The following RFX2 variants were observed in gnomAD, a reference collection of about 807,000 sequenced individuals.
RFX2 encodes DNA-binding protein RFX2.
RFX2 carries 20 observed loss-of-function variants against 87.8 expected under a neutral mutation model. The observed-to-expected ratio is 0.23, with a 90% CI of 0.16 to 0.33. RFX2 has a LOEUF of 0.33. Ranked by LOEUF, RFX2 falls within the 10% of genes least tolerant of loss-of-function variation. The probability of loss-of-function intolerance (pLI) is 1.00; values close to 1 mark genes in which losing one functional copy is unlikely to be tolerated. For missense variants in RFX2, 767 were observed against 1,012.3 expected (o/e 0.76, Z 3.29); for synonymous variants, 397 against 431.3 (o/e 0.92, Z 0.98).
rs2086451099 is a variant in RFX2 at position 5,998,702 on chromosome 19, G to A, written c.1860-1489C>T. 6.6e-6 allele frequency among the ~76,000 whole-genome samples: 1 copy of A among 152,114 alleles called. No individual in the cohort carries two copies. The highest frequency in any genetic ancestry group is 2.4e-5 in the African/African-American group (1 of 41,426). ...CTGCAACCAGCTTCCCCACAGCCCC[G>A]GTGTCTGGTGCGATGCTTCAGTCCA... On this transcript the variant is annotated intron_variant, in intron 15 of 17. Coordinates refer to ENST00000303657, the MANE Select transcript of RFX2 (RefSeq NM_000635.4). The surrounding 1 kb of genome is among the most constrained non-coding windows in gnomAD (Gnocchi z 4.2).
chr19:6,098,957 T>C (rs2088069505), intron 1 of RFX2, among the ~76,000 whole-genome samples: 1 of 117,146 alleles, frequency 8.5e-6, no homozygotes, highest in Non-Finnish European at 1.6e-5. Context: ...CACAAACTGC[T>C]TGAACCACAA....
intron 12 of RFX2, among the ~76,000 whole-genome samples, chr19:6,005,327 G>A (rs887129049): frequency 1.9e-4 from 29 of 152,230 alleles, no homozygotes; most frequent in African/African-American, 6.8e-4. Flanking sequence ...TGGTACTAAC[G>A]GGCATGCATA....
rs1025172142 is a variant in RFX2 at position 6,016,319 on chromosome 19, C to T, written c.598-48G>A. The stretch of plus-strand genomic sequence containing the variant: ...GCGTTTGTCAGAAGCCTGAGGAACG[C>T]TAACATGCCAACGTGGACTCATTAA... On this transcript the variant is annotated intron_variant, in intron 6 of 17. Transcript: ENST00000303657. This position sits in a 1 kb window ranked among gnomAD's most constrained non-coding sequence, Gnocchi z 5.4. 1 of 1,428,234 alleles carries T rather than the reference C, an allele frequency of 7.0e-7. No individual in the cohort carries two copies. Among genetic ancestry groups the T allele is most frequent in the Admixed American group, 1.9e-5 (1 of 51,290 alleles). 88.5% of individuals were successfully genotyped at this position (1,428,234 alleles called of 1,614,324 possible).
intron 1 of RFX2, among the ~76,000 whole-genome samples, chr19:6,097,773 G>A (rs1053876224): frequency 6.6e-6 from 1 of 152,032 alleles, no homozygotes; most frequent in African/African-American, 2.4e-5. Context: ...TGTGGAGACA[G>A]AGTCTTGTTA....
In RFX2 at chr19:6,026,268, A is replaced by C. The variant is rs1455986109; in HGVS notation, c.523-31T>G. Reference sequence around the variant, plus strand: ...GAAAATGTGTGCAGAAACAAAACAAAACAAAATGGAAAAAAAAAAAAAGGA... The same window carrying C: ...GAAAATGTGTGCAGAAACAAAACAACACAAAATGGAAAAAAAAAAAAAGGA... On this transcript the variant is annotated intron_variant, in intron 5 of 17. Transcript: ENST00000303657. The surrounding 1 kb of genome is among the most constrained non-coding windows in gnomAD (Gnocchi z 4.5). 3 of 1,574,378 alleles carry C rather than the reference A, an allele frequency of 1.9e-6. No homozygotes were observed. Among genetic ancestry groups the C allele is most frequent in the East Asian group, 4.5e-5 (2 of 44,692 alleles).
chr19:6,074,483 C>G lies in RFX2; in HGVS notation c.-8-26979G>C, dbSNP rs1206630509. On this transcript the variant is annotated intron_variant, in intron 1 of 17. Transcript: ENST00000303657. This position sits in a 1 kb window ranked among gnomAD's most constrained non-coding sequence, Gnocchi z 5.2. ...AACACACTCCCTCAGAGCCTGGACA[C>G]TCAGCCATCGTTCATTCATTCAACA... is the stretch of plus-strand genomic sequence containing the variant. Among the ~76,000 whole-genome samples the G allele has an allele frequency of 6.6e-6, 1 of 152,220 alleles. No individual in the cohort carries two copies. Among genetic ancestry groups the G allele is most frequent in the African/African-American group, 2.4e-5 (1 of 41,450 alleles).
chr19:6,052,127 C>T (rs978963425), intron 1 of RFX2, among the ~76,000 whole-genome samples: 1 of 152,044 alleles, frequency 6.6e-6, no homozygotes, highest in Non-Finnish European at 1.5e-5. Flanking sequence ...CCACCCACCT[C>T]GGCCTCCCAA....
At position 6,050,014 on chromosome 19, in the gene RFX2, A is replaced by G. The variant is rs555490945; in HGVS notation, c.-8-2510T>C. On this transcript the variant is annotated intron_variant, in intron 1 of 17. Coordinates refer to ENST00000303657, the MANE Select transcript of RFX2 (RefSeq NM_000635.4). This position sits in a 1 kb window ranked among gnomAD's most constrained non-coding sequence, Gnocchi z 4.6. The stretch of plus-strand genomic sequence containing the variant: ...TGCTGGGGTGTGGAGATTCTGGAAG[A>G]GAGAGAGCCACAGAAGGGGTGAGCC... Among the ~76,000 whole-genome samples, 21 of 152,340 alleles carry G rather than the reference A, an allele frequency of 1.4e-4. No homozygotes were observed. In the South Asian group the frequency reaches 4.3e-3, roughly 32 times the overall value.
chr19:6,019,317 C>A (rs1410167219), intron 6 of RFX2, among the ~76,000 whole-genome samples: 2 of 152,168 alleles, frequency 1.3e-5, no homozygotes, highest in Non-Finnish European at 2.9e-5. Flanking sequence ...AAGTCATTCA[C>A]ACCCTTCATC....
At chr19:6,099,729 C>T (rs2088088683) in intron 1 of RFX2, among the ~76,000 whole-genome samples, 1 of 152,198 alleles carries the variant, frequency 6.6e-6, no homozygotes, top group African/African-American at 2.4e-5. Context: ...AAATCACTAC[C>T]ACCTGTCGAA....
rs1430523708 is a variant in RFX2 at position 6,040,639 on chromosome 19, G to C, written c.261-398C>G. On this transcript the variant is annotated intron_variant, in intron 4 of 17. Transcript: ENST00000303657. This position sits in a 1 kb window ranked among gnomAD's most constrained non-coding sequence, Gnocchi z 6.1. ...CCAGGTGTGGTGGTGCGTGCCGGTA[G>C]TCCCAGCTACTCAGGAGGCTGAGGT... Among the ~76,000 whole-genome samples, 2 of 152,118 alleles carry C rather than the reference G, an allele frequency of 1.3e-5. No homozygotes were observed. Among genetic ancestry groups the C allele is most frequent in the African/African-American group, 4.8e-5 (2 of 41,438 alleles).
chr19:6,059,513 T>C lies in RFX2; in HGVS notation c.-8-12009A>G, dbSNP rs1461380525. Among the ~76,000 whole-genome samples the C allele has an allele frequency of 3.9e-5, 6 of 152,244 alleles. No homozygotes were observed. The South Asian group carries it at 1.2e-3, about 32-fold the overall frequency. On this transcript the variant is annotated intron_variant, in intron 1 of 17. Coordinates refer to ENST00000303657, the MANE Select transcript of RFX2 (RefSeq NM_000635.4). ...ACCACAAAACTTGGTTTCTAGGAAA[T>C]GGAAATTCTCCTTAGGTTATGGGGT...
intron 1 of RFX2, among the ~76,000 whole-genome samples, chr19:6,062,774 T>C (rs1041975921): frequency 4.6e-5 from 7 of 152,192 alleles, no homozygotes; most frequent in African/African-American, 7.2e-5. Flanking sequence ...GAGAAGTAAG[T>C]GCTCTTCATT....
rs1176203323 is a variant in RFX2, at chr19:6,002,498, T to A, written c.1650+223A>T. ...CCTTTGTGAGGAAAATGAGCAGAAG[T>A]GTTGGCCACAGCGCCTGGACGCCAG... On this transcript the variant is annotated intron_variant, in intron 14 of 17. Coordinates refer to ENST00000303657, the MANE Select transcript of RFX2 (RefSeq NM_000635.4). This position sits in a 1 kb window ranked among gnomAD's most constrained non-coding sequence, Gnocchi z 6.7. Among the ~76,000 whole-genome samples the A allele has an allele frequency of 1.3e-5, 2 of 152,012 alleles. No homozygotes were observed. The highest frequency in any genetic ancestry group is 4.8e-5 in the African/African-American group (2 of 41,366).
At chr19:6,058,971 C>T (rs3795013) in intron 1 of RFX2, among the ~76,000 whole-genome samples, 96,582 of 151,662 alleles carry the variant, frequency 0.64, 33,108 homozygotes, top group African/African-American at 0.9. Flanking sequence ...GTTCCTTCCC[C>T]TTTAGAAACC....
At chr19:6,097,070 T>G (rs1340218296) in intron 1 of RFX2, among the ~76,000 whole-genome samples, 1 of 152,082 alleles carries the variant, frequency 6.6e-6, no homozygotes, top group Non-Finnish European at 1.5e-5. Flanking sequence ...GTTTGGGTGG[T>G]GGGACCTATA....
intron 1 of RFX2, among the ~76,000 whole-genome samples, chr19:6,091,086 G>C (rs1234636244): frequency 6.6e-6 from 1 of 152,190 alleles, no homozygotes; most frequent in Non-Finnish European, 1.5e-5. Flanking sequence ...TAGGTATGGA[G>C]TTTCTTTTCA....
rs2087150682 is a variant in RFX2, at chr19:6,044,055, A to T, written c.180+138T>A. 2.2e-6 allele frequency: 1 copy of T among 448,418 alleles called. No homozygotes were observed. The highest frequency in any genetic ancestry group is 4.5e-5 in the Admixed American group (1 of 22,404). 27.8% of individuals were successfully genotyped at this position (448,418 alleles called of 1,614,324 possible). A position where few individuals can be genotyped will look rare whatever the true frequency, so the allele number is the denominator to read the frequency against. ...TTTTAAAATTGCACAGCTTCTGGAA[A>T]AGTCTTTTGGCTAAGAAACTGAAGC... On this transcript the variant is annotated intron_variant, in intron 3 of 17. Transcript: ENST00000303657. The surrounding 1 kb of genome is among the most constrained non-coding windows in gnomAD (Gnocchi z 5.3).
At chr19:6,028,329 A>G (rs944715940) in intron 5 of RFX2, among the ~76,000 whole-genome samples, 2 of 152,198 alleles carry the variant, frequency 1.3e-5, no homozygotes, top group Non-Finnish European at 1.5e-5. Flanking sequence ...CTGTTATTGT[A>G]TACTGTTTTA....
Sources: allele counts gnomAD v4.1 joint callset (sites outside exome capture counted in the v4.1 genomes callset), GRCh38; gene constraint gnomAD v4.1.1; non-coding constraint Gnocchi (gnomAD v3.1); transcripts MANE v1.5; gene names NCBI Gene and HGNC (gene_info 2026-07-23, HGNC 2026-07-21).